The following DDAH1 variants were observed in gnomAD, a reference collection of about 807,000 sequenced individuals.
DDAH1 encodes the protein dimethylarginine dimethylaminohydrolase 1, also known as N(G),N(G)-dimethylarginine dimethylaminohydrolase 1.
DDAH1 carries 19 observed loss-of-function variants against 28.8 expected under a neutral mutation model. The observed-to-expected ratio is 0.66, with a 90% CI of 0.46 to 0.97. DDAH1 has a LOEUF of 0.97. DDAH1 is among the 50% of genes least tolerant of loss of function. The pLI is 0.00. For missense variants in DDAH1, 326 were observed against 375.9 expected (o/e 0.87, Z 1.10); for synonymous variants, 153 against 154.4 (o/e 0.99, Z 0.07).
At chr1:85,370,081 T>C (rs936401410) in intron 1 of DDAH1, among the ~76,000 whole-genome samples, 1 of 152,196 alleles carries the variant, frequency 6.6e-6, no homozygotes, top group Non-Finnish European at 1.5e-5. Flanking sequence ...GGCTTAAGAA[T>C]GTGACTGCCT....
At chr1:85,348,578 C>T (rs1164977443) in intron 4 of DDAH1, among the ~76,000 whole-genome samples, 1 of 152,080 alleles carries the variant, frequency 6.6e-6, no homozygotes, top group Non-Finnish European at 1.5e-5. Flanking sequence ...TATGCCATGT[C>T]CCCACCTGTA....
At chr1:85,497,776 T>C (rs1656651502) in intron 1 of DDAH1, among the ~76,000 whole-genome samples, 2 of 152,228 alleles carry the variant, frequency 1.3e-5, no homozygotes, top group Admixed American at 1.3e-4. Flanking sequence ...TGTAACACAA[T>C]TATACTAATG....
At chr1:85,420,093 C>T (rs1653074147) in intron 1 of DDAH1, among the ~76,000 whole-genome samples, 1 of 152,090 alleles carries the variant, frequency 6.6e-6, no homozygotes, top group Non-Finnish European at 1.5e-5. Context: ...TGGGGTTCGA[C>T]TGGGATGCAG....
At chr1:85,330,836 G>A (rs1425006645) in intron 4 of DDAH1, among the ~76,000 whole-genome samples, 2 of 152,214 alleles carry the variant, frequency 1.3e-5, no homozygotes, top group African/African-American at 4.8e-5. Flanking sequence ...GGCAGTGTGA[G>A]GTGGGAAAGG....
chr1:85,517,228 CT>C (rs1269948288), intron 1 of DDAH1, among the ~76,000 whole-genome samples: 2 of 149,086 alleles, frequency 1.3e-5, no homozygotes, highest in East Asian at 3.9e-4. Flanking sequence ...AATTTCCATT[CT>C]TGTTTCTTAG....
chr1:85,500,452 G>A (rs777967577), intron 1 of DDAH1, among the ~76,000 whole-genome samples: 8 of 152,004 alleles, frequency 5.3e-5, no homozygotes, highest in Non-Finnish European at 7.4e-5. Context: ...TGGGTCTTGC[G>A]CAGAATGAGT....
chr1:85,409,102 A>G (rs920158404), intron 1 of DDAH1, among the ~76,000 whole-genome samples: 2 of 152,142 alleles, frequency 1.3e-5, no homozygotes, highest in Admixed American at 6.5e-5. Context: ...CAAATTCACA[A>G]ACTTTCTTAA....
chr1:85,397,725 A>T (rs548065176), intron 1 of DDAH1, among the ~76,000 whole-genome samples: 293 of 152,326 alleles, frequency 1.9e-3, no homozygotes, highest in Admixed American at 5.6e-3. Context: ...GAAATGTAAT[A>T]TTTGAGAATT....
chr1:85,497,315 C>T (rs779615871), intron 1 of DDAH1, among the ~76,000 whole-genome samples: 1 of 151,946 alleles, frequency 6.6e-6, no homozygotes, highest in East Asian at 1.9e-4. Flanking sequence ...TGGTATATAA[C>T]ACACAGCTGG....
intron 1 of DDAH1, among the ~76,000 whole-genome samples, chr1:85,500,049 TTCTC>T (rs140149658): frequency 0.33 from 49,458 of 150,354 alleles, 9,412 homozygotes; most frequent in Non-Finnish European, 0.44. Flanking sequence ...TCCCCTTTCT[TTCTC>T]TCTCTTTTCT....
At chr1:85,424,251 G>A (rs1325073411) in intron 1 of DDAH1, among the ~76,000 whole-genome samples, 1 of 152,092 alleles carries the variant, frequency 6.6e-6, no homozygotes, top group Non-Finnish European at 1.5e-5. Context: ...TGCTCTCTCT[G>A]CTTCTGTTTT....
intron 1 of DDAH1, among the ~76,000 whole-genome samples, chr1:85,382,214 C>T (rs989128821): frequency 1.1e-4 from 16 of 152,270 alleles, no homozygotes; most frequent in Admixed American, 4.6e-4. Flanking sequence ...AGTGAACACA[C>T]GACTAATAAG....
chr1:85,420,550 T>G (rs1353849913), intron 1 of DDAH1, among the ~76,000 whole-genome samples: 4 of 152,174 alleles, frequency 2.6e-5, no homozygotes, highest in African/African-American at 9.7e-5. Context: ...ACGGACACAA[T>G]GCAGCCAAGG....
rs549945715 is a variant in DDAH1 at position 85,341,851 on chromosome 1, A to C, written c.597+8564T>G. 9.6e-4 allele frequency among the ~76,000 whole-genome samples: 145 copies of C among 151,656 alleles called. 1 individual carries two copies. In the Middle Eastern group the frequency reaches 0.01, roughly 11 times the overall value. On this transcript the variant is annotated intron_variant, in intron 4 of 5. Transcript: ENST00000284031. ...AAGAGAAAAACAAAAACAAAAAAAA[A>C]CCCCAGATGTTCCATCACTTACAGG...
intron 1 of DDAH1, among the ~76,000 whole-genome samples, chr1:85,572,759 T>C (rs184817736): frequency 8.7e-4 from 132 of 152,326 alleles, no homozygotes; most frequent in African/African-American, 3.1e-3. Flanking sequence ...GGTGCAATCC[T>C]ATCATCTCAT....
intron 1 of DDAH1, among the ~76,000 whole-genome samples, chr1:85,508,443 C>A (rs528517992): frequency 6.6e-6 from 1 of 152,274 alleles, no homozygotes; most frequent in East Asian, 1.9e-4. Flanking sequence ...AACTGCAGTA[C>A]CTGGTTCATC....
At chr1:85,525,375 C>T (rs1426878855) in intron 1 of DDAH1, among the ~76,000 whole-genome samples, 4 of 152,136 alleles carry the variant, frequency 2.6e-5, no homozygotes, top group Non-Finnish European at 5.9e-5. Flanking sequence ...ACTGTTGACA[C>T]TTAACTCAGT....
chr1:85,427,264 A>G (rs1222082605), intron 1 of DDAH1, among the ~76,000 whole-genome samples: 4 of 74,004 alleles, frequency 5.4e-5, no homozygotes, highest in Admixed American at 1.9e-4. Flanking sequence ...TTTTTTTCCA[A>G]GTGAGCTAAA....
chr1:85,396,252 A>G (rs1225215262), intron 1 of DDAH1, among the ~76,000 whole-genome samples: 2 of 152,204 alleles, frequency 1.3e-5, no homozygotes, highest in Non-Finnish European at 2.9e-5. Flanking sequence ...CTAAGGCTGG[A>G]TAATTTATGA....
Sources: gnomAD v4.1 joint callset for allele counts (sites outside exome capture counted in the v4.1 genomes callset) on GRCh38, gnomAD v4.1.1 for gene constraint, MANE v1.5 for transcripts, NCBI Gene and HGNC (gene_info 2026-07-23, HGNC 2026-07-21) for gene names.